The following ZMAT4 variants were observed in gnomAD, a reference collection of about 807,000 sequenced individuals.
The protein encoded by ZMAT4 is zinc finger matrin-type 4, also known as zinc finger matrin-type protein 4.
In ZMAT4, 17 loss-of-function variants were observed where a neutral mutation model predicts 28.7. That is an observed-to-expected ratio of 0.59 (90% CI 0.41 to 0.89). ZMAT4 has a LOEUF of 0.89. ZMAT4 is among the 40% of genes least tolerant of loss of function. ZMAT4 has a pLI of 0.00. For missense variants in ZMAT4, 240 were observed against 283.8 expected (o/e 0.85, Z 1.11); for synonymous variants, 117 against 109.2 (o/e 1.07, Z -0.44).
intron 5 of ZMAT4, among the ~76,000 whole-genome samples, chr8:40,591,707 G>A (rs572686993): frequency 5.6e-4 from 86 of 152,252 alleles, no homozygotes; most frequent in Non-Finnish European, 9.4e-4. Context: ...ATTCGTAGTG[G>A]TTTATTCTTC....
intron 5 of ZMAT4, among the ~76,000 whole-genome samples, chr8:40,611,403 C>T (rs1335522455): frequency 2.6e-5 from 4 of 151,820 alleles, no homozygotes; most frequent in South Asian, 2.1e-4. Flanking sequence ...CCCAGTGGCG[C>T]GATCTCTGCT....
intron 1 of ZMAT4, among the ~76,000 whole-genome samples, chr8:40,862,679 G>T (rs1393641841): frequency 4.7e-5 from 7 of 150,398 alleles, no homozygotes; most frequent in Non-Finnish European, 1.0e-4. Flanking sequence ...TAGGGACATG[G>T]ATGAAGCTGG....
At chr8:40,700,406 CTTTTCTT>C (rs1169915467) in intron 3 of ZMAT4, among the ~76,000 whole-genome samples, 4 of 60,768 alleles carry the variant, frequency 6.6e-5, no homozygotes, top group Admixed American at 2.5e-4. Context: ...GAAGCTGCTG[CTTTTCTT>C]TTTTTTTTTT....
intron 5 of ZMAT4, among the ~76,000 whole-genome samples, chr8:40,632,010 C>A (rs568120749): frequency 2.6e-5 from 4 of 152,218 alleles, no homozygotes; most frequent in Non-Finnish European, 4.4e-5. Flanking sequence ...GGTTTCTGCT[C>A]AAATCCAGGT....
In ZMAT4 at chr8:40,627,838, G is replaced by A. The variant is rs116058057; in HGVS notation, c.578-46577C>T. ...CCCTATTTCTTAGAGAATCCTTTGA[G>A]GGGATGGGGCGGGAGGGAAAGATAA... On this transcript the variant is annotated intron_variant, in intron 5 of 6. Transcript: ENST00000297737. 1.8e-3 allele frequency among the ~76,000 whole-genome samples: 275 copies of A among 152,262 alleles called. 2 individuals carry two copies. Among genetic ancestry groups the A allele is most frequent in the African/African-American group, 6.4e-3 (267 of 41,540 alleles).
At chr8:40,838,624 T>C (rs1370495105) in intron 1 of ZMAT4, among the ~76,000 whole-genome samples, 1 of 152,162 alleles carries the variant, frequency 6.6e-6, no homozygotes, top group Non-Finnish European at 1.5e-5. Flanking sequence ...CAGTGAACTA[T>C]TGGTGTCTTC....
At chr8:40,746,230 TCCCTCCC>T (rs1812210429) in intron 3 of ZMAT4, among the ~76,000 whole-genome samples, 20 of 10,008 alleles carry the variant, frequency 2.0e-3, no homozygotes, top group Non-Finnish European at 1.4e-3. Flanking sequence ...CTTCCCTCCC[TCCCTCCC>T]TCCCTCCCTC....
chr8:40,567,732 C>A (rs1042694391), intron 6 of ZMAT4, among the ~76,000 whole-genome samples: 6 of 148,540 alleles, frequency 4.0e-5, no homozygotes, highest in Admixed American at 6.8e-5. Flanking sequence ...CAAAAAAAAA[C>A]CCCAAAACTC....
chr8:40,729,259 G>A (rs969196879), intron 3 of ZMAT4, among the ~76,000 whole-genome samples: 1 of 152,116 alleles, frequency 6.6e-6, no homozygotes, highest in Non-Finnish European at 1.5e-5. Context: ...TAGGAGGTAC[G>A]GTACAAATCT....
intron 1 of ZMAT4, among the ~76,000 whole-genome samples, chr8:40,873,523 G>T (rs1292699993): frequency 6.6e-6 from 1 of 152,100 alleles, no homozygotes; most frequent in African/African-American, 2.4e-5. Context: ...TGGTGCATGG[G>T]TCCCTTGTTT....
chr8:40,707,231 C>A (rs1183154444), intron 3 of ZMAT4, among the ~76,000 whole-genome samples: 1 of 136,530 alleles, frequency 7.3e-6, no homozygotes, highest in African/African-American at 2.6e-5. Context: ...CACCCCCCCA[C>A]CCCCATCTGA....
At chr8:40,612,519 T>C (rs1805836447) in intron 5 of ZMAT4, among the ~76,000 whole-genome samples, 1 of 137,942 alleles carries the variant, frequency 7.2e-6, no homozygotes, top group African/African-American at 2.5e-5. Flanking sequence ...CTTTTCTTCT[T>C]GCTCTTATCT....
rs575107256 is a variant in ZMAT4 at position 40,732,811 on chromosome 8, A to G, written c.192+34830T>C. 9.5e-5 allele frequency among the ~76,000 whole-genome samples: 14 copies of G among 147,198 alleles called. 1 individual carries two copies. The South Asian group carries it at 3.1e-3, about 33-fold the overall frequency. ...ACACTGGGAACCAGGGACATCTGGC[A>G]GACCTGGGCTGAGCAAGACCTCCTT... On this transcript the variant is annotated intron_variant, in intron 3 of 6. Transcript: ENST00000297737.
chr8:40,762,333 A>G (rs1812976970), intron 3 of ZMAT4, among the ~76,000 whole-genome samples: 1 of 152,176 alleles, frequency 6.6e-6, no homozygotes. Flanking sequence ...TGTCCTTATA[A>G]GAAGGAGAGA....
intron 5 of ZMAT4, among the ~76,000 whole-genome samples, chr8:40,656,593 A>G (rs1807932970): frequency 6.6e-6 from 1 of 152,166 alleles, no homozygotes; most frequent in Non-Finnish European, 1.5e-5. Context: ...AAATATCATT[A>G]AATAATAAAA....
chr8:40,740,980 T>C (rs1376457486), intron 3 of ZMAT4, among the ~76,000 whole-genome samples: 1 of 138,630 alleles, frequency 7.2e-6, no homozygotes, highest in African/African-American at 2.8e-5. Flanking sequence ...AGCACTAACC[T>C]TTGATAAATG....
intron 6 of ZMAT4, among the ~76,000 whole-genome samples, chr8:40,558,280 G>T (rs919496): frequency 6.6e-6 from 1 of 151,872 alleles, no homozygotes; most frequent in Non-Finnish European, 1.5e-5. Flanking sequence ...GCCAGCGGAG[G>T]GGACTATGAT....
chr8:40,661,970 AT>A (rs150839610), intron 5 of ZMAT4, among the ~76,000 whole-genome samples: 2,332 of 151,870 alleles, frequency 0.015, 61 homozygotes, highest in African/African-American at 0.053. Context: ...GAACAGGTTA[AT>A]TTTTTTGTTT....
intron 6 of ZMAT4, 73 bp from the exon 7 acceptor site, chr8:40,532,311 A>T: frequency 7.6e-7 from 1 of 1,319,318 alleles, no homozygotes; most frequent in Non-Finnish European, 1.0e-6. Flanking sequence ...TCTCCCCCCC[A>T]CCCCCTGTCT....
Sources: gnomAD v4.1 joint callset for allele counts (sites outside exome capture counted in the v4.1 genomes callset) on GRCh38, gnomAD v4.1.1 for gene constraint, MANE v1.5 for transcripts, NCBI Gene and HGNC (gene_info 2026-07-23, HGNC 2026-07-21) for gene names.